C13orf46: variants seen among roughly 807,000 people sequenced by gnomAD.
C13orf46 encodes the protein uncharacterized protein C13orf46.
the C13orf46 span, among the ~76,000 whole-genome samples, chr13:113,938,992 C>T: frequency 2.0e-5 from 3 of 152,066 alleles, no homozygotes; most frequent in African/African-American, 2.4e-5. Context: ...CCCAGGCCCA[C>T]GTTTCCTCAG....
the C13orf46 span, among the ~76,000 whole-genome samples, chr13:113,943,074 C>T: frequency 6.6e-6 from 1 of 152,352 alleles, no homozygotes; most frequent in African/African-American, 2.4e-5. Context: ...CTGCAAATGG[C>T]TGCCTCCCAC....
chr13:113,971,624 G>T (rs569040042), intron 1 of C13orf46, among the ~76,000 whole-genome samples: 1 of 152,216 alleles, frequency 6.6e-6, no homozygotes, highest in African/African-American at 2.4e-5. Flanking sequence ...CACCCCACTG[G>T]TGCCCCCGTG....
At chr13:113,971,650 C>G (rs935738472) in intron 1 of C13orf46, among the ~76,000 whole-genome samples, 1 of 152,232 alleles carries the variant, frequency 6.6e-6, no homozygotes, top group African/African-American at 2.4e-5. Flanking sequence ...GGCCACCCCA[C>G]GTCTCCCGCA....
chr13:113,952,895 G>C (rs944099641), downstream of C13orf46, among the ~76,000 whole-genome samples: 6 of 152,256 alleles, frequency 3.9e-5, no homozygotes, highest in African/African-American at 1.4e-4. Flanking sequence ...CGGCGGGGCA[G>C]AGGCAGCCCC....
the C13orf46 span, among the ~76,000 whole-genome samples, chr13:113,933,427 T>A: frequency 5.3e-5 from 8 of 152,230 alleles, no homozygotes; most frequent in African/African-American, 1.7e-4. Flanking sequence ...TTGATTAAAA[T>A]CAAGTAATAT....
chr13:113,963,262 TCGGCCCTGTCCTCAGCCTCGGC>T (rs2052603240), intron 6 of C13orf46, among the ~76,000 whole-genome samples: 1 of 120,176 alleles, frequency 8.3e-6, no homozygotes, highest in African/African-American at 3.1e-5. Flanking sequence ...GTCCTCAGCC[TCGGCCCTGTCCTCAGCCTCGGC>T]CCCTGTCCTC....
chr13:113,952,210 C>T (rs2052491773), downstream of C13orf46, among the ~76,000 whole-genome samples: 1 of 152,186 alleles, frequency 6.6e-6, no homozygotes, highest in South Asian at 2.1e-4. Flanking sequence ...GGCAGGGACA[C>T]AGCCAAGGTG....
In C13orf46 at chr13:113,954,174, C is replaced by T. The variant is rs1239552825; in HGVS notation, c.*2599G>A. The stretch of plus-strand genomic sequence containing the variant: ...AGCCTCTGCATTATCATGTGCACCA[C>T]AGGGACGGCCCCCATGTGTCTCCAC... On this transcript the variant is annotated 3_prime_UTR_variant, in exon 7 of 7. Coordinates refer to ENST00000636427, the MANE Select transcript of C13orf46 (RefSeq NM_001365455.2). The T allele has an allele frequency of 6.6e-6, 1 of 152,288 alleles. No homozygotes were observed. 9.4% of individuals were successfully genotyped at this position (152,288 alleles called of 1,614,324 possible).
the C13orf46 span, among the ~76,000 whole-genome samples, chr13:113,945,674 A>G: frequency 6.1e-3 from 843 of 137,832 alleles, 22 homozygotes; most frequent in African/African-American, 0.021. Flanking sequence ...GAAAGAAAGG[A>G]AAGAAAAACA....
chr13:113,963,766 G>A (rs976421660), intron 6 of C13orf46, among the ~76,000 whole-genome samples: 1 of 152,102 alleles, frequency 6.6e-6, no homozygotes, highest in Non-Finnish European at 1.5e-5. Context: ...GGTGGAAGCT[G>A]GGGTGATTTT....
chr13:113,947,092 G>T, the C13orf46 span, among the ~76,000 whole-genome samples: 6 of 152,254 alleles, frequency 3.9e-5, no homozygotes, highest in Non-Finnish European at 8.8e-5. Context: ...CAGCACTACA[G>T]AAGGTGAGGT....
intron 6 of C13orf46, among the ~76,000 whole-genome samples, chr13:113,959,824 AC>A (rs1283276205): frequency 6.6e-6 from 1 of 152,262 alleles, no homozygotes; most frequent in Admixed American, 6.5e-5. Flanking sequence ...GAAGTGTAGG[AC>A]AAAGCACAAA....
In C13orf46 at chr13:113,956,053, ATCTGGCGGAGAG is replaced by A. The variant is rs2052529174; in HGVS notation, c.*708_*719del. 2 of 157,924 alleles carry A rather than the reference ATCTGGCGGAGAG, an allele frequency of 1.3e-5. No individual in the cohort carries two copies. Among genetic ancestry groups the A allele is most frequent in the Admixed American group, 1.3e-4 (2 of 15,092 alleles). The allele number at this position is 157,924 out of a possible 1,614,324, so 9.8% of individuals were successfully genotyped here. A position where few individuals can be genotyped will look rare whatever the true frequency, so the allele number is the denominator to read the frequency against. ...GTAGGATCTGGCAGAGAGGAGTAGG[ATCTGGCGGAGAG>A]GAGGAGTAGGATCTGGCGGAGAGGT... On this transcript the variant is annotated 3_prime_UTR_variant, in exon 7 of 7. Transcript: ENST00000636427.
intron 6 of C13orf46, among the ~76,000 whole-genome samples, chr13:113,961,991 G>C (rs1314179402): frequency 1.3e-5 from 2 of 152,264 alleles, no homozygotes; most frequent in East Asian, 3.8e-4. Context: ...ATGCTATGAA[G>C]TGTGCAGTGC....
At chr13:113,944,001 T>G in the C13orf46 span, among the ~76,000 whole-genome samples, 1 of 152,126 alleles carries the variant, frequency 6.6e-6, no homozygotes, top group Non-Finnish European at 1.5e-5. Context: ...ACCTTCAGTA[T>G]CCCGACAGGA....
chr13:113,951,912 C>T (rs1013316668), downstream of C13orf46, among the ~76,000 whole-genome samples: 2 of 152,230 alleles, frequency 1.3e-5, no homozygotes, highest in Non-Finnish European at 2.9e-5. Context: ...CAGTGCAACG[C>T]GACCCCACTC....
At chr13:113,929,854 T>A in the C13orf46 span, among the ~76,000 whole-genome samples, 7 of 152,182 alleles carry the variant, frequency 4.6e-5, no homozygotes, top group African/African-American at 1.7e-4. Flanking sequence ...CGCCCTCCAA[T>A]GGAAAAGCTG....
In C13orf46 at chr13:113,956,016, C is replaced by T. The variant is rs1430155655; in HGVS notation, c.*757G>A. ...GGCAGAGAGGAGGAGTAGGATCTGGCGGAGAGGAGGAGTAGGATCTGGCAG... is the reference window on the plus strand; with the variant it reads ...GGCAGAGAGGAGGAGTAGGATCTGGTGGAGAGGAGGAGTAGGATCTGGCAG... On this transcript the variant is annotated 3_prime_UTR_variant, in exon 7 of 7. Transcript: ENST00000636427. 6.1e-3 allele frequency: 867 copies of T among 143,272 alleles called. 40 individuals are homozygous for T. The highest frequency in any genetic ancestry group is 0.023 in the African/African-American group (809 of 35,654). 8.9% of individuals were successfully genotyped at this position (143,272 alleles called of 1,614,324 possible). A position where few individuals can be genotyped will look rare whatever the true frequency, so the allele number is the denominator to read the frequency against.
chr13:113,963,651 G>A (rs1457393148), intron 6 of C13orf46, among the ~76,000 whole-genome samples: 9 of 84,144 alleles, frequency 1.1e-4, no homozygotes, highest in South Asian at 3.9e-4. Context: ...AGCCTCGCCC[G>A]TCCTCAGCCT....
Sources: allele counts gnomAD v4.1 joint callset (sites outside exome capture counted in the v4.1 genomes callset), GRCh38; gene constraint gnomAD v4.1.1; transcripts MANE v1.5; gene names NCBI Gene and HGNC (gene_info 2026-07-23, HGNC 2026-07-21).